CTNNAL1: variants seen among roughly 807,000 people sequenced by gnomAD.
The protein encoded by CTNNAL1 is catenin alpha like 1.
CTNNAL1 carries 69 observed loss-of-function variants against 93.6 expected under a neutral mutation model. The ratio of observed to expected loss-of-function variants is 0.74; its 90% CI spans 0.61 to 0.90. The LOEUF is 0.90. Ranked by LOEUF, CTNNAL1 falls within the 40% of genes least tolerant of loss-of-function variation. The probability of loss-of-function intolerance (pLI) is 0.00; values close to 1 mark genes in which losing one functional copy is unlikely to be tolerated. For synonymous variants in CTNNAL1, 286 were observed against 305.4 expected, an observed-to-expected ratio of 0.94 and a Z score of 0.66; for missense variants, 836 against 862.0, an observed-to-expected ratio of 0.97 and a Z score of 0.38.
chr9:108,986,848 A>G (rs373093957), intron 4 of CTNNAL1, among the ~76,000 whole-genome samples: 6 of 152,092 alleles, frequency 3.9e-5, no homozygotes, highest in Non-Finnish European at 7.3e-5. Flanking sequence ...GTCTGTTCAT[A>G]TCCTTTGCCC....
intron 9 of CTNNAL1, 76 bp from the exon 10 acceptor site, chr9:108,970,570 A>C (rs1831086041): frequency 7.8e-7 from 1 of 1,283,096 alleles, no homozygotes; most frequent in Non-Finnish European, 1.0e-6. Context: ...TTATAATTAA[A>C]AAGAAAATTT....
intron 1 of CTNNAL1, among the ~76,000 whole-genome samples, chr9:109,013,038 AG>A (rs769143460): frequency 3.2e-4 from 49 of 152,270 alleles, no homozygotes; most frequent in East Asian, 1.9e-3. Context: ...CTGGGGGCAA[AG>A]GCCCAGGCCG....
At position 108,942,587 on chromosome 9, in the gene CTNNAL1, C is replaced by T; in HGVS notation, c.*182G>A. 3.5e-6 allele frequency: 2 copies of T among 565,828 alleles called. No homozygotes were observed. The highest frequency in any genetic ancestry group is 2.5e-5 in the South Asian group (1 of 39,948). The allele number at this position is 565,828 out of a possible 1,614,324, so 35.1% of individuals were successfully genotyped here. On this transcript the variant is annotated 3_prime_UTR_variant, in exon 19 of 19. Coordinates refer to ENST00000325551, the MANE Select transcript of CTNNAL1 (RefSeq NM_003798.4). ...ACTACAATTAGAATCTAGCAATTAC[C>T]AAGACATTTATTAGTTGTCAAAAAG...
chr9:109,003,478 C>T (rs773126428), intron 1 of CTNNAL1, among the ~76,000 whole-genome samples: 2 of 152,194 alleles, frequency 1.3e-5, no homozygotes, highest in Admixed American at 6.5e-5. Context: ...ACATGAGCTA[C>T]AATTCATGTA....
intron 11 of CTNNAL1, among the ~76,000 whole-genome samples, chr9:108,963,128 C>G (rs943915790): frequency 3.3e-5 from 5 of 152,160 alleles, no homozygotes; most frequent in Non-Finnish European, 4.4e-5. Context: ...CTAATTGCTA[C>G]CGTAATTGCT....
At chr9:108,983,353 T>C in intron 5 of CTNNAL1, 38 bp from the exon 6 acceptor site, 1 of 1,405,032 alleles carries the variant, frequency 7.1e-7, no homozygotes, top group Non-Finnish European at 9.3e-7. Flanking sequence ...TAATATTTGA[T>C]TTATGTCATA....
At chr9:108,979,258 T>A in intron 7 of CTNNAL1, 23 bp downstream of exon 7, 1 of 1,613,556 alleles carries the variant, frequency 6.2e-7, no homozygotes, top group Middle Eastern at 1.7e-4. Context: ...AAGATTTACT[T>A]TGATTTTAAA....
At chr9:108,980,272 T>C (rs1335475763) in intron 6 of CTNNAL1, among the ~76,000 whole-genome samples, 1 of 152,166 alleles carries the variant, frequency 6.6e-6, no homozygotes, top group African/African-American at 2.4e-5. Flanking sequence ...GATGAACACA[T>C]GCTCATGTGT....
intron 2 of CTNNAL1, among the ~76,000 whole-genome samples, chr9:108,996,155 C>T (rs931651036): frequency 6.6e-6 from 1 of 151,890 alleles, no homozygotes; most frequent in Non-Finnish European, 1.5e-5. Flanking sequence ...TTTGTAGAGA[C>T]AGGGACTCAT....
chr9:108,957,742 C>T (rs1461653069), intron 11 of CTNNAL1, among the ~76,000 whole-genome samples: 5 of 152,068 alleles, frequency 3.3e-5, no homozygotes, highest in Admixed American at 3.3e-4. Flanking sequence ...CAAAATTCAC[C>T]ATCTATCTTA....
intron 3 of CTNNAL1, chr9:108,991,855 A>C: frequency 1.9e-6 from 1 of 531,302 alleles, no homozygotes; most frequent in Non-Finnish European, 3.3e-6. Flanking sequence ...CCAAAGCAAG[A>C]AGTGATCGTA....
At chr9:108,966,048 C>A (rs941468097) in intron 10 of CTNNAL1, among the ~76,000 whole-genome samples, 3 of 152,118 alleles carry the variant, frequency 2.0e-5, no homozygotes, top group Non-Finnish European at 4.4e-5. Flanking sequence ...CCAAAATATA[C>A]AAATAAAATA....
At chr9:108,951,890 GTT>G (rs1830574183) in intron 14 of CTNNAL1, among the ~76,000 whole-genome samples, 1 of 152,126 alleles carries the variant, frequency 6.6e-6, no homozygotes, top group Non-Finnish European at 1.5e-5. Flanking sequence ...TAAAAGACAT[GTT>G]TTCTTAACGT....
At chr9:109,006,461 C>A (rs947711323) in intron 1 of CTNNAL1, among the ~76,000 whole-genome samples, 1 of 152,164 alleles carries the variant, frequency 6.6e-6, no homozygotes, top group African/African-American at 2.4e-5. Flanking sequence ...ATCACTACAC[C>A]GTCTCTCTTA....
intron 1 of CTNNAL1, among the ~76,000 whole-genome samples, chr9:109,001,555 A>C (rs1270495213): frequency 6.6e-6 from 1 of 152,112 alleles, no homozygotes; most frequent in Non-Finnish European, 1.5e-5. Context: ...TTACTCACTC[A>C]CTCACTCTCT....
intron 1 of CTNNAL1, among the ~76,000 whole-genome samples, chr9:109,010,286 T>C (rs1827169547): frequency 6.6e-6 from 1 of 152,248 alleles, no homozygotes; most frequent in African/African-American, 2.4e-5. Flanking sequence ...CTAATTTTTA[T>C]AATTTACTTG....
chr9:108,950,512 T>C (rs2132089739), intron 14 of CTNNAL1: 1 of 1,549,104 alleles, frequency 6.5e-7, no homozygotes, highest in Non-Finnish European at 8.7e-7. Flanking sequence ...TCCAGAGAAT[T>C]ATCTATCTAG....
At chr9:108,961,861 ATACAGTCAT>A (rs1271671438) in intron 11 of CTNNAL1, among the ~76,000 whole-genome samples, 1 of 152,170 alleles carries the variant, frequency 6.6e-6, no homozygotes, top group Non-Finnish European at 1.5e-5. Flanking sequence ...CAAAACAAGA[ATACAGTCAT>A]TACTTGTTCC....
chr9:109,006,896 T>G (rs1026705477), intron 1 of CTNNAL1, among the ~76,000 whole-genome samples: 1 of 151,882 alleles, frequency 6.6e-6, no homozygotes, highest in Non-Finnish European at 1.5e-5. Context: ...TGTGACTCTG[T>G]GTTCTCACCT....
Sources: gnomAD v4.1 joint callset for allele counts (sites outside exome capture counted in the v4.1 genomes callset) on GRCh38, gnomAD v4.1.1 for gene constraint, MANE v1.5 for transcripts, NCBI Gene and HGNC (gene_info 2026-07-23, HGNC 2026-07-21) for gene names.